The following LYRM9 variants were observed in gnomAD, a reference collection of about 807,000 sequenced individuals.
The protein encoded by LYRM9 is LYR motif containing 9, also known as LYR motif-containing protein 9.
In LYRM9, 14 loss-of-function variants were observed where a neutral mutation model predicts 12.6. The ratio of observed to expected loss-of-function variants is 1.11; its 90% CI spans 0.73 to 1.73. The LOEUF (loss-of-function observed/expected upper bound fraction) is 1.73. Ranked by LOEUF, LYRM9 falls within the 40% of genes most tolerant of loss-of-function variation. LYRM9 has a pLI of 0.00. For synonymous variants in LYRM9, 42 were observed against 35.1 expected, an observed-to-expected ratio of 1.20 and a Z score of -0.69; for missense variants, 94 against 95.0, an observed-to-expected ratio of 0.99 and a Z score of 0.04.
At position 27,882,839 on chromosome 17, in the gene LYRM9, T is replaced by C. The variant is rs532667508; in HGVS notation, c.-18-127A>G. ...CAGAGGCCCCTCCTGTCCCATCCCA[T>C]GGAGCCTGCACCTTGGGGTGGGGTG... On this transcript the variant is annotated intron_variant, in intron 1 of 3. Transcript: ENST00000379102. 13 of 1,054,018 alleles carry C rather than the reference T, an allele frequency of 1.2e-5. No individual in the cohort carries two copies. In the African/African-American group the frequency reaches 1.4e-4, roughly 12 times the overall value. 65.3% of individuals were successfully genotyped at this position (1,054,018 alleles called of 1,614,324 possible). A position where few individuals can be genotyped will look rare whatever the true frequency, so the allele number is the denominator to read the frequency against.
chr17:27,880,314 A>G lies in LYRM9; in HGVS notation c.179T>C (p.Ile60Thr). The change falls in exon 3 of 4, where the codon ATT (isoleucine) becomes ACT (threonine). Residue 60 changes from isoleucine (I) to threonine (T), a missense_variant. Transcript: ENST00000379102. ...GTCAGCATCTTCAATGGCTCTTTTAATAATCTGCTGGATTCTCTCAGGGTT... is the reference window on the plus strand; with the variant it reads ...GTCAGCATCTTCAATGGCTCTTTTAGTAATCTGCTGGATTCTCTCAGGGTT... Reference protein sequence around the residue: ...EDNPERIQQIIKRAIEDADWI... With the variant: ...EDNPERIQQITKRAIEDADWI... 6.2e-7 allele frequency: 1 copy of G among 1,610,784 alleles called. No individual in the cohort carries two copies. Among genetic ancestry groups the G allele is most frequent in the Non-Finnish European group, 8.5e-7 (1 of 1,178,388 alleles).
At chr17:27,892,469 G>A (rs1905490437) in intron 1 of LYRM9, 1 of 450,854 alleles carries the variant, frequency 2.2e-6, no homozygotes, top group African/African-American at 2.0e-5. Flanking sequence ...AAAGCCAGCA[G>A]GAAACTGTCC....
chr17:27,885,644 T>C (rs1905206450), intron 1 of LYRM9, among the ~76,000 whole-genome samples: 1 of 134,848 alleles, frequency 7.4e-6, no homozygotes. Flanking sequence ...TCGACTGCAG[T>C]GAGCTGTGAT....
At chr17:27,885,775 C>T (rs1462915181) in intron 1 of LYRM9, among the ~76,000 whole-genome samples, 1 of 151,820 alleles carries the variant, frequency 6.6e-6, no homozygotes, top group Non-Finnish European at 1.5e-5. Flanking sequence ...AGTCCTTCCC[C>T]TAGACTTCTC....
At chr17:27,889,157 C>T (rs1905336530) in intron 1 of LYRM9, among the ~76,000 whole-genome samples, 1 of 152,182 alleles carries the variant, frequency 6.6e-6, no homozygotes, top group African/African-American at 2.4e-5. Flanking sequence ...TTTGGCCATG[C>T]TCTGACCAAC....
rs928676739 is a variant in LYRM9 at position 27,882,853 on chromosome 17, T to TG, written c.-18-142dup. On this transcript the variant is annotated intron_variant, in intron 1 of 3. Transcript: ENST00000379102. The stretch of plus-strand genomic sequence containing the variant: ...GTCCCATCCCATGGAGCCTGCACCT[T>TG]GGGGTGGGGTGGGCATTCAGTTCAA... 3.4e-6 allele frequency: 3 copies of TG among 893,210 alleles called. No individual in the cohort carries two copies. In the African/African-American group the frequency reaches 5.0e-5, roughly 15 times the overall value. 55.3% of individuals were successfully genotyped at this position (893,210 alleles called of 1,614,324 possible). A position where few individuals can be genotyped will look rare whatever the true frequency, so the allele number is the denominator to read the frequency against.
At chr17:27,890,831 G>A (rs935722010) in intron 1 of LYRM9, among the ~76,000 whole-genome samples, 11 of 152,132 alleles carry the variant, frequency 7.2e-5, no homozygotes, top group Non-Finnish European at 1.5e-4. Context: ...TGAAAAATAG[G>A]AATGGAGTGG....
intron 1 of LYRM9, among the ~76,000 whole-genome samples, chr17:27,887,507 T>C (rs564250790): frequency 2.6e-5 from 4 of 152,320 alleles, no homozygotes; most frequent in Admixed American, 1.3e-4. Flanking sequence ...AAGGCCCCTC[T>C]CGATCTGGCC....
At position 27,882,580 on chromosome 17, in the gene LYRM9, C is replaced by A; in HGVS notation, c.115G>T (p.Ala39Ser). 7 of 1,592,666 alleles carry A rather than the reference C, an allele frequency of 4.4e-6. No homozygotes were observed. Among genetic ancestry groups the A allele is most frequent in the Non-Finnish European group, 6.0e-6 (7 of 1,170,682 alleles). The change falls in exon 2 of 4, where the codon GCT (alanine) becomes TCT (serine). Residue 39 changes from alanine (A) to serine (S), a missense_variant. Physicochemically the swap from Ala to Ser is moderately conservative, Grantham distance 99 (BLOSUM62 1). Coordinates refer to ENST00000379102, the MANE Select transcript of LYRM9 (RefSeq NM_001076680.3). ...GAGCCAGCTCGCACCTGCCTGACAG[C>A]ATGCTTGTAATGCTGCTGGATGCCC... The part of the protein sequence containing the change: ...TKGIQQHYKH[A>S]VRQSFRVHSD...
intron 1 of LYRM9, among the ~76,000 whole-genome samples, chr17:27,885,908 G>A (rs915499753): frequency 2.0e-5 from 3 of 151,982 alleles, no homozygotes; most frequent in Non-Finnish European, 4.4e-5. Context: ...GCAATCTGAT[G>A]ACTCCAGCTG....
Position 27,882,561 on chromosome 17 carries a change from G to A in LYRM9, c.126+8C>T, listed in dbSNP as rs1374107623. The A allele has an allele frequency of 1.3e-6, 2 of 1,576,426 alleles. No homozygotes were observed. The highest frequency in any genetic ancestry group is 1.7e-6 in the Non-Finnish European group (2 of 1,162,600). ...GCAGCCCCCAGACCTGGTAGAGCCA[G>A]CTCGCACCTGCCTGACAGCATGCTT... On this transcript the variant is annotated splice_region_variant and intron_variant, in intron 2 of 3. Coordinates refer to ENST00000379102, the MANE Select transcript of LYRM9 (RefSeq NM_001076680.3).
rs1905223634 is a variant in LYRM9, at chr17:27,886,070, A to G, written c.-18-3358T>C. 6.6e-6 allele frequency among the ~76,000 whole-genome samples: 1 copy of G among 152,162 alleles called. No homozygotes were observed. Among genetic ancestry groups the G allele is most frequent in the Admixed American group, 6.5e-5 (1 of 15,272 alleles). On this transcript the variant is annotated intron_variant, in intron 1 of 3. Coordinates refer to ENST00000379102, the MANE Select transcript of LYRM9 (RefSeq NM_001076680.3). The surrounding 1 kb of genome is among the most constrained non-coding windows in gnomAD (Gnocchi z 4.8). ...GCAACCACAGGAGACATACCACCAA[A>G]GTCCCAAACCTGATGGGTAGACTCC...
At chr17:27,884,440 A>G (rs887975463) in intron 1 of LYRM9, among the ~76,000 whole-genome samples, 1 of 152,090 alleles carries the variant, frequency 6.6e-6, no homozygotes, top group Non-Finnish European at 1.5e-5. Flanking sequence ...CAAACCACCA[A>G]ATGTGGCGCC....
chr17:27,888,397 C>A (rs1905307470), intron 1 of LYRM9, among the ~76,000 whole-genome samples: 1 of 152,210 alleles, frequency 6.6e-6, no homozygotes, highest in African/African-American at 2.4e-5. Flanking sequence ...GCCCCACCAG[C>A]CATTCTCCAT....
At chr17:27,887,237 C>A (rs1282093217) in intron 1 of LYRM9, among the ~76,000 whole-genome samples, 1 of 152,166 alleles carries the variant, frequency 6.6e-6, no homozygotes, top group African/African-American at 2.4e-5. Flanking sequence ...AAATGTAGAA[C>A]AAATACCTGA....
intron 3 of LYRM9, 134 bp from the exon 4 acceptor site, chr17:27,879,624 G>T: frequency 2.2e-6 from 2 of 913,188 alleles, no homozygotes; most frequent in Non-Finnish European, 3.3e-6. Flanking sequence ...TGAAACCCAA[G>T]CAGGAGGCAC....
chr17:27,883,071 T>C, intron 1 of LYRM9: 1 of 474,016 alleles, frequency 2.1e-6, no homozygotes, highest in Non-Finnish European at 4.4e-6. Context: ...AGCTCTGACA[T>C]CAGCCATGGT....
At position 27,882,644 on chromosome 17, in the gene LYRM9, G is replaced by T. The variant is rs766064963; in HGVS notation, c.51C>A (p.Tyr17Ter). ...AELVRRPLQL[Y>*]RYLLRCCQQL... Reference sequence around the variant, plus strand: ...GCTGGCAACAGCGCAGCAAGTATCGGTAGAGCTGCAGTGGCCTCCGAACCA... The same window carrying T: ...GCTGGCAACAGCGCAGCAAGTATCGTTAGAGCTGCAGTGGCCTCCGAACCA... Residue 17 changes from tyrosine (Y) to a stop codon, truncating the protein, a stop_gained, in exon 2 of 4, where the codon TAC becomes TAA. Transcript: ENST00000379102. LOFTEE classifies it high-confidence loss of function. 6.2e-7 allele frequency: 1 copy of T among 1,602,952 alleles called. No homozygotes were observed.
chr17:27,882,473 C>G (rs911431999), intron 2 of LYRM9, 96 bp downstream of exon 2: 23 of 1,409,486 alleles, frequency 1.6e-5, no homozygotes, highest in Non-Finnish European at 5.6e-6. Flanking sequence ...ACCACCATCT[C>G]AGAGACTAGC....
Sources: allele counts gnomAD v4.1 joint callset (sites outside exome capture counted in the v4.1 genomes callset), GRCh38; gene constraint gnomAD v4.1.1; non-coding constraint Gnocchi (gnomAD v3.1); transcripts MANE v1.5; gene names NCBI Gene and HGNC (gene_info 2026-07-23, HGNC 2026-07-21).